RAB11FIP4: variants seen among roughly 807,000 people sequenced by gnomAD.
RAB11FIP4 encodes RAB11 family interacting protein 4.
A neutral mutation model predicts 74.3 loss-of-function variants in RAB11FIP4; 23 were observed. That is an observed-to-expected ratio of 0.31 (90% CI 0.22 to 0.44). The LOEUF (loss-of-function observed/expected upper bound fraction) is 0.44. Ranked by LOEUF, RAB11FIP4 falls within the 20% of genes least tolerant of loss-of-function variation. RAB11FIP4 has a pLI of 1.00. For synonymous variants in RAB11FIP4, 360 were observed against 359.9 expected (o/e 1.00, Z 0.00); for missense variants, 630 against 863.9 (o/e 0.73, Z 3.39).
At chr17:31,522,087 G>A (rs1053459148) in intron 6 of RAB11FIP4, 38 bp downstream of exon 6, 2 of 1,613,036 alleles carry the variant, frequency 1.2e-6, no homozygotes, top group Non-Finnish European at 1.7e-6. Context: ...AGAGGCCGGG[G>A]GGCCAGGGCA....
At chr17:31,406,996 CAACT>C (rs2071048025) in intron 1 of RAB11FIP4, among the ~76,000 whole-genome samples, 3 of 147,998 alleles carry the variant, frequency 2.0e-5, no homozygotes, top group Admixed American at 6.8e-5. Context: ...GTTAACTCAC[CAACT>C]GTTTAGTGTT....
chr17:31,476,863 C>T (rs943528369), intron 3 of RAB11FIP4, among the ~76,000 whole-genome samples: 2 of 152,208 alleles, frequency 1.3e-5, no homozygotes, highest in Non-Finnish European at 2.9e-5. Flanking sequence ...TTTTCCTTTG[C>T]CCAGCCCAGC....
chr17:31,483,403 G>A (rs1347583000), intron 3 of RAB11FIP4, among the ~76,000 whole-genome samples: 1 of 152,096 alleles, frequency 6.6e-6, no homozygotes, highest in African/African-American at 2.4e-5. Flanking sequence ...TGCTACTTGT[G>A]AGGGGAGATG....
At chr17:31,404,289 T>C (rs2071022929) in intron 1 of RAB11FIP4, among the ~76,000 whole-genome samples, 1 of 152,218 alleles carries the variant, frequency 6.6e-6, no homozygotes, top group Non-Finnish European at 1.5e-5. Context: ...CAGCCGGCCT[T>C]GGCCCCATCC....
In RAB11FIP4 at chr17:31,433,602, G is replaced by A. The variant is rs1178191668; in HGVS notation, c.248-432G>A. On this transcript the variant is annotated intron_variant, in intron 2 of 14. Transcript: ENST00000621161. ...TCAGCAGGAACTGCAGCTGTCCTGC[G>A]GGCAGCCCTGTCCTGGACGTCCCAG... Among the ~76,000 whole-genome samples the A allele has an allele frequency of 3.3e-5, 5 of 152,320 alleles. No homozygotes were observed. The East Asian group carries it at 5.8e-4, about 18-fold the overall frequency.
chr17:31,469,344 G>T (rs750188113), intron 3 of RAB11FIP4, among the ~76,000 whole-genome samples: 1 of 151,990 alleles, frequency 6.6e-6, no homozygotes, highest in African/African-American at 2.4e-5. Context: ...AGAAAACAAG[G>T]CAAGGCCAGG....
chr17:31,469,087 G>T (rs2071713506), intron 3 of RAB11FIP4, among the ~76,000 whole-genome samples: 1 of 152,118 alleles, frequency 6.6e-6, no homozygotes, highest in Non-Finnish European at 1.5e-5. Flanking sequence ...ATTGCCCTCA[G>T]GGTTCCTGTG....
At chr17:31,392,328 G>C in intron 1 of RAB11FIP4, 1 of 218,182 alleles carries the variant, frequency 4.6e-6, no homozygotes, top group Non-Finnish European at 9.1e-6. Flanking sequence ...GGGGGAGAGA[G>C]CTGCCAGAAT....
intron 1 of RAB11FIP4, among the ~76,000 whole-genome samples, chr17:31,409,157 A>C (rs568612954): frequency 6.6e-6 from 1 of 152,182 alleles, no homozygotes; most frequent in African/African-American, 2.4e-5. Context: ...TGGTGGAGGC[A>C]GGACCCCATC....
chr17:31,458,991 A>G (rs1408318894), intron 3 of RAB11FIP4, among the ~76,000 whole-genome samples: 2 of 152,142 alleles, frequency 1.3e-5, no homozygotes, highest in African/African-American at 4.8e-5. Flanking sequence ...AAGGGGCACT[A>G]TTATCACTGT....
chr17:31,505,851 A>G (rs2072338428), intron 3 of RAB11FIP4, among the ~76,000 whole-genome samples: 1 of 146,604 alleles, frequency 6.8e-6, no homozygotes, highest in African/African-American at 2.6e-5. Context: ...GATTACAGGC[A>G]TGCACCACCT....
chr17:31,478,352 G>A (rs1325456070), intron 3 of RAB11FIP4, among the ~76,000 whole-genome samples: 1 of 152,142 alleles, frequency 6.6e-6, no homozygotes, highest in Non-Finnish European at 1.5e-5. Flanking sequence ...TGGGAGCCTG[G>A]TGCATTGTTT....
intron 3 of RAB11FIP4, among the ~76,000 whole-genome samples, chr17:31,452,622 C>T (rs2071537000): frequency 6.6e-6 from 1 of 152,142 alleles, no homozygotes; most frequent in South Asian, 2.1e-4. Context: ...GCCATCTTTC[C>T]CCCTACATGC....
chr17:31,455,835 G>A (rs1275071914), intron 3 of RAB11FIP4, among the ~76,000 whole-genome samples: 1 of 152,188 alleles, frequency 6.6e-6, no homozygotes. Context: ...CAGGAGGCAT[G>A]TCAGGACCCT....
intron 3 of RAB11FIP4, among the ~76,000 whole-genome samples, chr17:31,478,193 A>G (rs1275658361): frequency 2.6e-5 from 4 of 151,896 alleles, no homozygotes; most frequent in African/African-American, 7.3e-5. Context: ...GGGTTTCACT[A>G]TGTTGGCCAG....
intron 3 of RAB11FIP4, among the ~76,000 whole-genome samples, chr17:31,471,509 G>A (rs776821106): frequency 3.3e-5 from 5 of 152,268 alleles, no homozygotes; most frequent in African/African-American, 9.6e-5. Flanking sequence ...CAACAACCTC[G>A]TGAGAGAGAT....
At chr17:31,481,782 ATGAG>A (rs2071852073) in intron 3 of RAB11FIP4, among the ~76,000 whole-genome samples, 1 of 152,126 alleles carries the variant, frequency 6.6e-6, no homozygotes, top group African/African-American at 2.4e-5. Context: ...TTGAGCTTGA[ATGAG>A]TAAGAAAACC....
intron 3 of RAB11FIP4, among the ~76,000 whole-genome samples, chr17:31,456,101 C>G (rs574609431): frequency 1.3e-5 from 2 of 152,228 alleles, no homozygotes; most frequent in Non-Finnish European, 2.9e-5. Flanking sequence ...CTTGCAAATA[C>G]GTCTTTACTG....
chr17:31,438,397 CT>C (rs2071379647), intron 3 of RAB11FIP4, among the ~76,000 whole-genome samples: 1 of 152,080 alleles, frequency 6.6e-6, no homozygotes, highest in Admixed American at 6.5e-5. Flanking sequence ...CCTGCCCCTC[CT>C]GTGTAGCCAC....
Sources: allele counts gnomAD v4.1 joint callset (sites outside exome capture counted in the v4.1 genomes callset), GRCh38; gene constraint gnomAD v4.1.1; transcripts MANE v1.5; gene names NCBI Gene and HGNC (gene_info 2026-07-23, HGNC 2026-07-21).